Variants in MTMR9 observed in about 807,000 individuals in gnomAD.
MTMR9 encodes myotubularin-related protein 9.
A neutral mutation model predicts 69.5 loss-of-function variants in MTMR9; 39 were observed. The ratio of observed to expected loss-of-function variants is 0.56; its 90% CI spans 0.43 to 0.73. The LOEUF is 0.73. Among genes scored for constraint, MTMR9 ranks in the 30% least tolerant of loss-of-function variants. The pLI, the probability that MTMR9 is intolerant of heterozygous loss-of-function variation, is 0.00. For synonymous variants in MTMR9, 354 were observed against 240.8 expected, an observed-to-expected ratio of 1.47 and a Z score of -4.35; for missense variants, 900 against 671.2, an observed-to-expected ratio of 1.34 and a Z score of -3.77.
the MTMR9 span, among the ~76,000 whole-genome samples, chr8:11,333,608 C>T: frequency 6.6e-6 from 1 of 152,012 alleles, no homozygotes; most frequent in African/African-American, 2.4e-5. Context: ...AATATAAAAA[C>T]CAGTATTATT....
chr8:11,331,273 C>T (rs143349475), downstream of MTMR9: 2 of 1,614,006 alleles, frequency 1.2e-6, no homozygotes, highest in African/African-American at 1.3e-5. Context: ...TTCGTGGGCC[C>T]CCTTTCTCGT....
intron 6 of MTMR9, among the ~76,000 whole-genome samples, chr8:11,311,593 T>G (rs1156448859): frequency 6.6e-6 from 1 of 152,244 alleles, no homozygotes; most frequent in Non-Finnish European, 1.5e-5. Context: ...AATACTTTAT[T>G]GGTATTTGAG....
rs1483822130 is a variant in MTMR9 at position 11,325,837 on chromosome 8, C to G, written c.*3049C>G. On this transcript the variant is annotated 3_prime_UTR_variant, in exon 10 of 10. Transcript: ENST00000221086. ...TAAAATTCAGTAGGTTTAAAACAAT[C>G]TATAAATGTATTTTATTTCCAAGAA... 6.6e-6 allele frequency: 1 copy of G among 152,006 alleles called. No homozygotes were observed. Among genetic ancestry groups the G allele is most frequent in the Non-Finnish European group, 1.5e-5 (1 of 68,014 alleles). 9.4% of individuals were successfully genotyped at this position (152,006 alleles called of 1,614,324 possible). A position where few individuals can be genotyped will look rare whatever the true frequency, so the allele number is the denominator to read the frequency against.
In MTMR9 at chr8:11,316,668, C is replaced by G. The variant is rs774400600; in HGVS notation, c.1114-5C>G. Reference sequence around the variant, plus strand: ...ATGACTGTCACGCCTCCATCTTCCCCCTAGGCTGGTCACCCATTCCAGCAG... The same window carrying G: ...ATGACTGTCACGCCTCCATCTTCCCGCTAGGCTGGTCACCCATTCCAGCAG... On this transcript the variant is annotated splice_region_variant and splice_polypyrimidine_tract_variant and intron_variant, in intron 7 of 9. Transcript: ENST00000221086. 10 of 1,589,560 alleles carry G rather than the reference C, an allele frequency of 6.3e-6. No homozygotes were observed. The highest frequency in any genetic ancestry group is 8.6e-6 in the Non-Finnish European group (10 of 1,168,426).
At chr8:11,337,361 A>G in the MTMR9 span, among the ~76,000 whole-genome samples, 1 of 152,246 alleles carries the variant, frequency 6.6e-6, no homozygotes, top group Non-Finnish European at 1.5e-5. Context: ...TACAAGGTGC[A>G]GCAACTTCTC....
intron 3 of MTMR9, among the ~76,000 whole-genome samples, chr8:11,302,510 A>G (rs985645916): frequency 2.0e-5 from 3 of 152,174 alleles, no homozygotes; most frequent in African/African-American, 7.2e-5. Context: ...ATGGTGTTAG[A>G]TTAACAGAGG....
At chr8:11,313,532 C>A (rs183264658) in intron 6 of MTMR9, among the ~76,000 whole-genome samples, 126 of 152,344 alleles carry the variant, frequency 8.3e-4, no homozygotes, top group Non-Finnish European at 1.6e-3. Context: ...TTAATCATTT[C>A]TAGCTTTTGA....
At chr8:11,315,115 C>G in intron 7 of MTMR9, 51 bp downstream of exon 7, 3 of 1,585,754 alleles carry the variant, frequency 1.9e-6, no homozygotes, top group Non-Finnish European at 2.6e-6. Flanking sequence ...ATGCTGTGAT[C>G]CTGCTTTGTG....
chr8:11,321,917 A>G (rs1321503599), intron 9 of MTMR9, among the ~76,000 whole-genome samples: 1 of 152,196 alleles, frequency 6.6e-6, no homozygotes, highest in Non-Finnish European at 1.5e-5. Flanking sequence ...ATCCACTGAC[A>G]TGGTGCAGCC....
In MTMR9 at chr8:11,297,380, A is replaced by G. The variant is rs79979901; in HGVS notation, c.291+2078A>G. Among the ~76,000 whole-genome samples the G allele has an allele frequency of 0.015, 2,323 of 152,342 alleles. 94 individuals are homozygous for G. In the East Asian group the frequency reaches 0.16, roughly 10 times the overall value. ...CACATCTGTCATTTGGAAGTAATGC[A>G]TGATGTTGATTTGATGTAATTTGTT... On this transcript the variant is annotated intron_variant, in intron 2 of 9. Coordinates refer to ENST00000221086, the MANE Select transcript of MTMR9 (RefSeq NM_015458.4).
At chr8:11,336,813 A>G in the MTMR9 span, among the ~76,000 whole-genome samples, 1 of 152,186 alleles carries the variant, frequency 6.6e-6, no homozygotes, top group African/African-American at 2.4e-5. Flanking sequence ...CTGCACATAC[A>G]ACATTCTAGT....
chr8:11,316,952 G>A, intron 8 of MTMR9, 59 bp downstream of exon 8: 4 of 1,187,572 alleles, frequency 3.4e-6, no homozygotes, highest in East Asian at 2.4e-5. Context: ...TACTTCCTAA[G>A]TAGCCAGAAT....
chr8:11,293,213 C>T (rs1291220988), intron 1 of MTMR9, among the ~76,000 whole-genome samples: 2 of 151,968 alleles, frequency 1.3e-5, no homozygotes, highest in African/African-American at 2.4e-5. Flanking sequence ...GTGTTTGTGT[C>T]TTAGGTTTTA....
chr8:11,325,655 T>C lies in MTMR9; in HGVS notation c.*2867T>C, dbSNP rs1585142405. 1.6e-5 allele frequency: 2 copies of C among 126,426 alleles called. No homozygotes were observed. The highest frequency in any genetic ancestry group is 5.1e-5 in the African/African-American group (2 of 39,140). 7.8% of individuals were successfully genotyped at this position (126,426 alleles called of 1,614,324 possible). A position where few individuals can be genotyped will look rare whatever the true frequency, so the allele number is the denominator to read the frequency against. On this transcript the variant is annotated 3_prime_UTR_variant, in exon 10 of 10. Transcript: ENST00000221086. ...ATAAGGATCCTCAGATTTAAATAAGTACTTTTTTTTTTTTTAATCAGAAGA... is the reference window on the plus strand; with the variant it reads ...ATAAGGATCCTCAGATTTAAATAAGCACTTTTTTTTTTTTTAATCAGAAGA...
chr8:11,289,884 T>C (rs1169855956), intron 1 of MTMR9, among the ~76,000 whole-genome samples: 1 of 152,234 alleles, frequency 6.6e-6, no homozygotes, highest in African/African-American at 2.4e-5. Context: ...ACAGACCTTT[T>C]AGGTAACTTC....
the MTMR9 span, among the ~76,000 whole-genome samples, chr8:11,336,348 C>T: frequency 6.6e-6 from 1 of 152,218 alleles, no homozygotes; most frequent in East Asian, 1.9e-4. Flanking sequence ...AAGAGGCTGA[C>T]TGATCCTTTG....
At chr8:11,333,507 G>A in the MTMR9 span, among the ~76,000 whole-genome samples, 2 of 152,134 alleles carry the variant, frequency 1.3e-5, no homozygotes, top group East Asian at 3.8e-4. Flanking sequence ...AATGCTAAAG[G>A]GGGTCCTTCA....
downstream of MTMR9, chr8:11,331,098 C>G (rs1330482254): frequency 6.3e-7 from 1 of 1,583,544 alleles, no homozygotes; most frequent in Non-Finnish European, 8.6e-7. Flanking sequence ...GGAGAAAGTC[C>G]AAGGAAAGAT....
At chr8:11,315,361 G>T (rs970470322) in intron 7 of MTMR9, among the ~76,000 whole-genome samples, 2 of 152,152 alleles carry the variant, frequency 1.3e-5, no homozygotes, top group South Asian at 4.1e-4. Flanking sequence ...GGGTCTTGAC[G>T]GATCAAAGAC....
Sources: allele counts gnomAD v4.1 joint callset (sites outside exome capture counted in the v4.1 genomes callset), GRCh38; gene constraint gnomAD v4.1.1; transcripts MANE v1.5; gene names NCBI Gene and HGNC (gene_info 2026-07-23, HGNC 2026-07-21).